TBC1D16: variants seen among roughly 807,000 people sequenced by gnomAD.
TBC1D16 encodes CTD-2529O21.1.
TBC1D16 carries 58 observed loss-of-function variants against 74.7 expected under a neutral mutation model. The observed-to-expected ratio is 0.78, with a 90% confidence interval of 0.63 to 0.97. TBC1D16 has a LOEUF of 0.97. TBC1D16 is among the 50% of genes least tolerant of loss of function. The pLI is 0.00. For synonymous variants in TBC1D16, 493 were observed against 474.7 expected, an observed-to-expected ratio of 1.04 and a Z score of -0.50; for missense variants, 1,014 against 1,079.5, an observed-to-expected ratio of 0.94 and a Z score of 0.85.
rs1304526411 is a variant in TBC1D16 at position 79,940,568 on chromosome 17, G to A, written c.*291C>T. The A allele has an allele frequency of 1.3e-5, 4 of 305,536 alleles. No homozygotes were observed. The highest frequency in any genetic ancestry group is 2.4e-5 in the Non-Finnish European group (4 of 166,156). 18.9% of individuals were successfully genotyped at this position (305,536 alleles called of 1,614,324 possible). ...TCCTGGGACATGTTGAAATCCTCCAGGGCAGCCAGCAGGAGAGCCCAGCCA... is the reference window on the plus strand; with the variant it reads ...TCCTGGGACATGTTGAAATCCTCCAAGGCAGCCAGCAGGAGAGCCCAGCCA... On this transcript the variant is annotated 3_prime_UTR_variant, in exon 12 of 12. Transcript: ENST00000310924. The surrounding 1 kb of genome is among the most constrained non-coding windows in gnomAD (Gnocchi z 5.4).
rs968073810 is a variant in TBC1D16, at chr17:79,945,489, C to A, written c.1729-402G>T. Reference sequence around the variant, plus strand: ...TCCAGGGAGCCCCCCCACCCCTCTTCGGCTACGCTCACCCAGATCTATCAT... The same window carrying A: ...TCCAGGGAGCCCCCCCACCCCTCTTAGGCTACGCTCACCCAGATCTATCAT... On this transcript the variant is annotated intron_variant, in intron 9 of 11. Coordinates refer to ENST00000310924, the MANE Select transcript of TBC1D16 (RefSeq NM_019020.4). Among the ~76,000 whole-genome samples the A allele has an allele frequency of 2.0e-5, 3 of 152,198 alleles. No homozygotes were observed. In the East Asian group the frequency reaches 5.8e-4, roughly 29 times the overall value.
rs550099408 is a variant in TBC1D16, at chr17:79,994,034, T to C, written c.779+16126A>G. ...GGGAGCGCCCATCCCTGGGGAGCACTGCCTCTCCAGGAGCCTGAACTTCCT... is the reference window on the plus strand; with the variant it reads ...GGGAGCGCCCATCCCTGGGGAGCACCGCCTCTCCAGGAGCCTGAACTTCCT... On this transcript the variant is annotated intron_variant, in intron 3 of 11. Coordinates refer to ENST00000310924, the MANE Select transcript of TBC1D16 (RefSeq NM_019020.4). This position sits in a 1 kb window ranked among gnomAD's most constrained non-coding sequence, Gnocchi z 4.6. 6.6e-6 allele frequency among the ~76,000 whole-genome samples: 1 copy of C among 152,180 alleles called. No individual in the cohort carries two copies. Among genetic ancestry groups the C allele is most frequent in the Admixed American group, 6.5e-5 (1 of 15,280 alleles).
intron 1 of TBC1D16, among the ~76,000 whole-genome samples, chr17:80,017,680 C>CAAAAAAA (rs57336950): frequency 2.4e-5 from 2 of 84,824 alleles, no homozygotes; most frequent in Non-Finnish European, 2.4e-5. Flanking sequence ...GACTCCATCT[C>CAAAAAAA]AAAAAAAAAA....
rs983777700 is a variant in TBC1D16 at position 79,994,291 on chromosome 17, G to C, written c.779+15869C>G. Among the ~76,000 whole-genome samples, 2 of 151,910 alleles carry C rather than the reference G, an allele frequency of 1.3e-5. No individual in the cohort carries two copies. The highest frequency in any genetic ancestry group is 2.9e-5 in the Non-Finnish European group (2 of 67,984). The stretch of plus-strand genomic sequence containing the variant: ...AGAATCCCAGCTCAGGGCCGGGGGG[G>C]TGCCAGGGCTGTGAACCCCCGACAA... On this transcript the variant is annotated intron_variant, in intron 3 of 11. Coordinates refer to ENST00000310924, the MANE Select transcript of TBC1D16 (RefSeq NM_019020.4). The surrounding 1 kb of genome is among the most constrained non-coding windows in gnomAD (Gnocchi z 4.6).
chr17:79,936,913 T>TGTGC lies in TBC1D16; in HGVS notation c.*3945_*3946insGCAC, dbSNP rs775135079. ...ATGCGTGCGTGTGTGCATGTGCGTG[T>TGTGC]GTGTGTGTGTGTGTGTGTGTGTGTG... is the stretch of plus-strand genomic sequence containing the variant. On this transcript the variant is annotated 3_prime_UTR_variant, in exon 12 of 12. Transcript: ENST00000310924. 9,755 of 114,318 alleles carry TGTGC rather than the reference T, an allele frequency of 0.085. 372 individuals carry two copies. The highest frequency in any genetic ancestry group is 0.2 in the East Asian group (816 of 4,160). The allele number at this position is 114,318 out of a possible 1,614,324, so 7.1% of individuals were successfully genotyped here.
rs549644202 is a variant in TBC1D16, at chr17:79,980,147, A to G, written c.780-27329T>C. ...GCTCTGCAGAAACAGAATAATCACC[A>G]CCCAGGCTGGTGGCTTCCCAACTTT... On this transcript the variant is annotated intron_variant, in intron 3 of 11. Transcript: ENST00000310924. This position sits in a 1 kb window ranked among gnomAD's most constrained non-coding sequence, Gnocchi z 7.0. 1.8e-3 allele frequency among the ~76,000 whole-genome samples: 274 copies of G among 152,114 alleles called. 2 individuals are homozygous for G. Among genetic ancestry groups the G allele is most frequent in the African/African-American group, 6.2e-3 (258 of 41,502 alleles).
rs954904261 is a variant in TBC1D16, at chr17:79,990,282, C to A, written c.779+19878G>T. Among the ~76,000 whole-genome samples the A allele has an allele frequency of 1.3e-5, 2 of 152,230 alleles. No homozygotes were observed. The highest frequency in any genetic ancestry group is 1.3e-4 in the Admixed American group (2 of 15,284). ...TGACGGGTCTCGGGCGCCCAGCCAG[C>A]GAGGGGCCGGCTCCAGGTGGTGGGA... On this transcript the variant is annotated intron_variant, in intron 3 of 11. Transcript: ENST00000310924. The surrounding 1 kb of genome is among the most constrained non-coding windows in gnomAD (Gnocchi z 4.8).
intron 1 of TBC1D16, among the ~76,000 whole-genome samples, chr17:80,017,018 AC>A (rs2144716680): frequency 6.6e-6 from 1 of 152,210 alleles, no homozygotes; most frequent in Admixed American, 6.5e-5. Flanking sequence ...GCCTTGAGCC[AC>A]AGACGCCCTC....
In TBC1D16 at chr17:79,942,078, C is replaced by T. The variant is rs947418769; in HGVS notation, c.2037G>A (p.Gly679=). Residue 679 remains glycine (G), a synonymous_variant, in exon 11 of 12, where the codon GGG becomes GGA. Coordinates refer to ENST00000310924, the MANE Select transcript of TBC1D16 (RefSeq NM_019020.4). ...GCCTCACCTTCCGGAGAACGAGCTC[C>T]CCGTTCATGTGCATGGCCAGGTTTC... ...HFGNLAMHMN[G]ELVLRKARSL... is the part of the protein sequence containing the mutation. 3.1e-6 allele frequency: 5 copies of T among 1,612,046 alleles called. No individual in the cohort carries two copies. The African/African-American group carries it at 4.0e-5, about 13-fold the overall frequency.
In TBC1D16 at chr17:79,981,777, C is replaced by G. The variant is rs182487551; in HGVS notation, c.779+28383G>C. Among the ~76,000 whole-genome samples, 3 of 152,350 alleles carry G rather than the reference C, an allele frequency of 2.0e-5. No individual in the cohort carries two copies. The East Asian group carries it at 5.8e-4, about 29-fold the overall frequency. On this transcript the variant is annotated intron_variant, in intron 3 of 11. Coordinates refer to ENST00000310924, the MANE Select transcript of TBC1D16 (RefSeq NM_019020.4). This position sits in a 1 kb window ranked among gnomAD's most constrained non-coding sequence, Gnocchi z 6.9. ...AAGAACGTGCTCACTGCACATAACG[C>G]TGAACCTGCCACGGGCACGAAGCAG...
In TBC1D16 at chr17:80,021,889, AACACACACCATG is replaced by A. The variant is rs1248056025; in HGVS notation, c.-62-8292_-62-8281del. ...TGACACACACACACCATGACACACA[AACACACACCATG>A]ACACACACCATGACACACACAAACA... On this transcript the variant is annotated intron_variant, in intron 1 of 11. Transcript: ENST00000310924. 1.1e-4 allele frequency among the ~76,000 whole-genome samples: 16 copies of A among 149,862 alleles called. 1 individual carries two copies. Among genetic ancestry groups the A allele is most frequent in the South Asian group, 1.0e-3 (5 of 4,780 alleles).
rs2035148567 is a variant in TBC1D16 at position 79,993,408 on chromosome 17, G to C, written c.779+16752C>G. Among the ~76,000 whole-genome samples the C allele has an allele frequency of 6.6e-6, 1 of 152,220 alleles. No homozygotes were observed. The highest frequency in any genetic ancestry group is 1.9e-4 in the East Asian group (1 of 5,190). On this transcript the variant is annotated intron_variant, in intron 3 of 11. Transcript: ENST00000310924. The surrounding 1 kb of genome is among the most constrained non-coding windows in gnomAD (Gnocchi z 5.1). The stretch of plus-strand genomic sequence containing the variant: ...ATTCCCTGAGGCCAGGAGGCACTTA[G>C]GTGGACGGGCACCAGGAGCCCTGTG...
intron 1 of TBC1D16, among the ~76,000 whole-genome samples, chr17:80,014,848 A>G (rs529075443): frequency 6.6e-6 from 1 of 152,352 alleles, no homozygotes; most frequent in East Asian, 1.9e-4. Context: ...AGGTAGGCTC[A>G]GCACTGGGTC....
intron 3 of TBC1D16, among the ~76,000 whole-genome samples, chr17:79,960,638 CCCAGCTACT>C (rs1160265507): frequency 6.6e-6 from 1 of 151,772 alleles, no homozygotes; most frequent in East Asian, 1.9e-4. Context: ...CCTCTGTTAT[CCCAGCTACT>C]CCAGAGGCTG....
rs996110493 is a variant in TBC1D16, at chr17:79,980,275, T to C, written c.780-27457A>G. On this transcript the variant is annotated intron_variant, in intron 3 of 11. Transcript: ENST00000310924. The surrounding 1 kb of genome is among the most constrained non-coding windows in gnomAD (Gnocchi z 7.0). ...AGGCATCTGATTAAATTTCATGAAC[T>C]CTTTTTCAGGCTTGCAGCCCAAATT... Among the ~76,000 whole-genome samples the C allele has an allele frequency of 8.5e-5, 13 of 152,198 alleles. No individual in the cohort carries two copies. Among genetic ancestry groups the C allele is most frequent in the African/African-American group, 3.1e-4 (13 of 41,446 alleles).
Position 79,941,150 on chromosome 17 carries a change from C to T in TBC1D16, c.2056-43G>A. On this transcript the variant is annotated intron_variant, in intron 11 of 11. Transcript: ENST00000310924. This position sits in a 1 kb window ranked among gnomAD's most constrained non-coding sequence, Gnocchi z 4.3. ...GGGGTGAGGAGGGGCCGGGGGACAGCCTGGCAGCCTAGGGTCCCCATGGGA... is the reference window on the plus strand; with the variant it reads ...GGGGTGAGGAGGGGCCGGGGGACAGTCTGGCAGCCTAGGGTCCCCATGGGA... The T allele has an allele frequency of 6.6e-7, 1 of 1,512,338 alleles. No individual in the cohort carries two copies. The highest frequency in any genetic ancestry group is 8.9e-7 in the Non-Finnish European group (1 of 1,120,076). The allele number at this position is 1,512,338 out of a possible 1,614,324, so 93.7% of individuals were successfully genotyped here.
At position 79,934,154 on chromosome 17, in the gene TBC1D16, C is replaced by T. The variant is rs1022676244; in HGVS notation, c.*6705G>A. 1 of 152,220 alleles carries T rather than the reference C, an allele frequency of 6.6e-6. No homozygotes were observed. Among genetic ancestry groups the T allele is most frequent in the African/African-American group, 2.4e-5 (1 of 41,442 alleles). The allele number at this position is 152,220 out of a possible 1,614,324, so 9.4% of individuals were successfully genotyped here. A position where few individuals can be genotyped will look rare whatever the true frequency, so the allele number is the denominator to read the frequency against. ...CAGGTGGCACCTATGTTCTCTTGCC[C>T]GGCGTGGGTGACTACACAGTTGTCA... is the stretch of plus-strand genomic sequence containing the variant. On this transcript the variant is annotated 3_prime_UTR_variant, in exon 12 of 12. Transcript: ENST00000310924.
chr17:79,946,675 G>A (rs1390330845), intron 9 of TBC1D16, among the ~76,000 whole-genome samples: 1 of 152,234 alleles, frequency 6.6e-6, no homozygotes, highest in Non-Finnish European at 1.5e-5. Flanking sequence ...GACACACTCT[G>A]TGGCCCTGGC....
rs2034084172 is a variant in TBC1D16 at position 79,971,136 on chromosome 17, C to T, written c.780-18318G>A. Among the ~76,000 whole-genome samples, 1 of 152,030 alleles carries T rather than the reference C, an allele frequency of 6.6e-6. No homozygotes were observed. The highest frequency in any genetic ancestry group is 2.4e-5 in the African/African-American group (1 of 41,384). On this transcript the variant is annotated intron_variant, in intron 3 of 11. Coordinates refer to ENST00000310924, the MANE Select transcript of TBC1D16 (RefSeq NM_019020.4). The surrounding 1 kb of genome is among the most constrained non-coding windows in gnomAD (Gnocchi z 4.6). ...CTCTCGGGTTCAAGGCATTCTCCTG[C>T]CTCAGCCTCCTGAGTAGCTGGGATT...
Sources: allele counts gnomAD v4.1 joint callset (sites outside exome capture counted in the v4.1 genomes callset), GRCh38; gene constraint gnomAD v4.1.1; non-coding constraint Gnocchi (gnomAD v3.1); transcripts MANE v1.5; gene names NCBI Gene and HGNC (gene_info 2026-07-23, HGNC 2026-07-21).